Variants in NUDT5 observed in about 807,000 individuals in gnomAD.
NUDT5 encodes ADP-sugar pyrophosphatase.
Under a neutral mutation model 34.1 loss-of-function variants are expected in NUDT5, and 21 were observed. That is an observed-to-expected ratio of 0.62 (90% CI 0.44 to 0.89). The LOEUF (loss-of-function observed/expected upper bound fraction) is 0.89, where lower values mean the gene tolerates loss of function less well. NUDT5 is among the 40% of genes least tolerant of loss of function. The pLI is 0.00. For missense variants in NUDT5, 249 were observed against 274.8 expected (o/e 0.91, Z 0.66); for synonymous variants, 85 against 97.6 (o/e 0.87, Z 0.76).
intron 1 of NUDT5, among the ~76,000 whole-genome samples, chr10:12,190,282 C>T (rs1564427894): frequency 2.0e-5 from 3 of 152,186 alleles, no homozygotes. Context: ...TCAGTTTGAA[C>T]ACTGAAGGTC....
At chr10:12,179,058 G>C (rs1835002870) in intron 4 of NUDT5, 25 bp downstream of exon 4, 3 of 1,602,306 alleles carry the variant, frequency 1.9e-6, no homozygotes, top group East Asian at 4.5e-5. Flanking sequence ...CTTTCTAAAG[G>C]GTTGGAATAG....
At position 12,170,466 on chromosome 10, in the gene NUDT5, C is replaced by A; in HGVS notation, c.550+251G>T. On this transcript the variant is annotated intron_variant, in intron 9 of 9. Transcript: ENST00000491614. This position sits in a 1 kb window ranked among gnomAD's most constrained non-coding sequence, Gnocchi z 4.9. Reference sequence around the variant, plus strand: ...CTACTCAGCAGGAATGTCATCTGGGCCATTCTGTAGGAGAAAAAGCCTCTA... The same window carrying A: ...CTACTCAGCAGGAATGTCATCTGGGACATTCTGTAGGAGAAAAAGCCTCTA... 1 of 617,514 alleles carries A rather than the reference C, an allele frequency of 1.6e-6. No homozygotes were observed. Among genetic ancestry groups the A allele is most frequent in the South Asian group, 2.0e-5 (1 of 49,302 alleles). The allele number at this position is 617,514 out of a possible 1,614,324, so 38.3% of individuals were successfully genotyped here.
At chr10:12,192,132 A>AG (rs879601268) in intron 1 of NUDT5, among the ~76,000 whole-genome samples, 6 of 152,178 alleles carry the variant, frequency 3.9e-5, no homozygotes, top group Non-Finnish European at 8.8e-5. Flanking sequence ...AAAGAGGGTC[A>AG]GGCACTTGGA....
intron 5 of NUDT5, among the ~76,000 whole-genome samples, 199 bp from the exon 6 acceptor site, chr10:12,174,012 G>A (rs566127527): frequency 3.3e-5 from 5 of 151,710 alleles, no homozygotes; most frequent in Admixed American, 1.3e-4. Context: ...GATTACAGGC[G>A]CGTGCCACCA....
chr10:12,177,815 G>GC lies in NUDT5; in HGVS notation c.266dup (p.Tyr90LeufsTer12). On this transcript the variant is annotated frameshift_variant, in exon 5 of 10. Coordinates refer to ENST00000491614, the MANE Select transcript of NUDT5 (RefSeq NM_014142.4). LOFTEE classifies it high-confidence loss of function. Reference sequence around the variant, plus strand: ...CACCTGCAGGGAACTCTATGCAGTAGCCCCCCATTGGTGGTCGGAACTGTT... The same window carrying GC: ...CACCTGCAGGGAACTCTATGCAGTAGCCCCCCCATTGGTGGTCGGAACTGTT... 1 of 1,613,696 alleles carries GC rather than the reference G, an allele frequency of 6.2e-7. No individual in the cohort carries two copies. The highest frequency in any genetic ancestry group is 8.5e-7 in the Non-Finnish European group (1 of 1,179,578).
intron 1 of NUDT5, among the ~76,000 whole-genome samples, chr10:12,193,386 C>G (rs1835269008): frequency 6.6e-6 from 1 of 152,082 alleles, no homozygotes; most frequent in South Asian, 2.1e-4. Flanking sequence ...GCTATGGATT[C>G]AGAGAAAGAA....
rs1377140111 is a variant in NUDT5, at chr10:12,169,038, C to T, written c.551-1227G>A. Among the ~76,000 whole-genome samples the T allele has an allele frequency of 6.6e-6, 1 of 152,208 alleles. No homozygotes were observed. Among genetic ancestry groups the T allele is most frequent in the South Asian group, 2.1e-4 (1 of 4,834 alleles). ...TCGGCCTCCCAAAGTGCTGGGATTACAGGCGTGAGCCACCGCACCCGGCCA... is the reference window on the plus strand; with the variant it reads ...TCGGCCTCCCAAAGTGCTGGGATTATAGGCGTGAGCCACCGCACCCGGCCA... On this transcript the variant is annotated intron_variant, in intron 9 of 9. Transcript: ENST00000491614. This position sits in a 1 kb window ranked among gnomAD's most constrained non-coding sequence, Gnocchi z 4.8.
chr10:12,190,390 A>C (rs1564427913), intron 1 of NUDT5, among the ~76,000 whole-genome samples: 1 of 152,114 alleles, frequency 6.6e-6, no homozygotes, highest in Non-Finnish European at 1.5e-5. Context: ...GTGGCAGGCT[A>C]ACTAGCAGTC....
rs534075557 is a variant in NUDT5 at position 12,178,015 on chromosome 10, A to T, written c.182-115T>A. The stretch of plus-strand genomic sequence containing the variant: ...ACTTTAAGAAACTCCGTTTTAATCT[A>T]CAATACTGGCAGTTAATATTGGAAG... On this transcript the variant is annotated intron_variant, in intron 4 of 9. Transcript: ENST00000491614. The T allele has an allele frequency of 1.2e-4, 76 of 645,950 alleles. 2 individuals are homozygous for T. In the South Asian group the frequency reaches 1.4e-3, roughly 12 times the overall value. 40.0% of individuals were successfully genotyped at this position (645,950 alleles called of 1,614,324 possible).
rs1474626074 is a variant in NUDT5, at chr10:12,170,066, CACAGTATCTCCTCATGTCTCCAT to C, written c.550+628_550+650del. The C allele has an allele frequency of 6.9e-6, 11 of 1,585,188 alleles. No individual in the cohort carries two copies. Among genetic ancestry groups the C allele is most frequent in the Admixed American group, 3.3e-5 (2 of 59,950 alleles). ...TCCATACAGTATCTCCTCGTCTCCA[CACAGTATCTCCTCATGTCTCCAT>C]ACAGTATCTCCTCTCGTGGTTTTAT... On this transcript the variant is annotated intron_variant, in intron 9 of 9. Coordinates refer to ENST00000491614, the MANE Select transcript of NUDT5 (RefSeq NM_014142.4). This position sits in a 1 kb window ranked among gnomAD's most constrained non-coding sequence, Gnocchi z 4.9.
Position 12,166,868 on chromosome 10 carries a change from C to CTG in NUDT5, c.*832_*833dup, listed in dbSNP as rs1182193119. 2.5e-6 allele frequency: 1 copy of CTG among 408,076 alleles called. No homozygotes were observed. The highest frequency in any genetic ancestry group is 5.0e-6 in the Non-Finnish European group (1 of 198,584). 25.3% of individuals were successfully genotyped at this position (408,076 alleles called of 1,614,324 possible). A position where few individuals can be genotyped will look rare whatever the true frequency, so the allele number is the denominator to read the frequency against. On this transcript the variant is annotated 3_prime_UTR_variant, in exon 10 of 10. Coordinates refer to ENST00000491614, the MANE Select transcript of NUDT5 (RefSeq NM_014142.4). ...GAACCAGATCAATCTGTACTTCTTG[C>CTG]TGTGAACTACTCTGTATTGGGTTTC... is the stretch of plus-strand genomic sequence containing the variant.
intron 3 of NUDT5, chr10:12,184,459 T>C (rs1024815487): frequency 2.6e-6 from 4 of 1,540,040 alleles, no homozygotes; most frequent in Admixed American, 2.0e-5. Context: ...AAATGTTTTT[T>C]TCCCAATTTG....
intron 1 of NUDT5, among the ~76,000 whole-genome samples, chr10:12,192,175 G>A (rs1456116022): frequency 6.6e-6 from 1 of 152,052 alleles, no homozygotes; most frequent in East Asian, 1.9e-4. Flanking sequence ...AAATCAACAA[G>A]GCACTTTGAA....
chr10:12,190,419 C>T (rs1835203974), intron 1 of NUDT5, among the ~76,000 whole-genome samples: 1 of 152,066 alleles, frequency 6.6e-6, no homozygotes, highest in Non-Finnish European at 1.5e-5. Context: ...GCTTCGAGAG[C>T]ACCAGCAGTG....
At chr10:12,188,470 C>T (rs989527851) in intron 1 of NUDT5, among the ~76,000 whole-genome samples, 28 of 152,184 alleles carry the variant, frequency 1.8e-4, no homozygotes, top group African/African-American at 3.9e-4. Flanking sequence ...TCACGCCTCA[C>T]GCCTACAATC....
rs555729305 is a variant in NUDT5 at position 12,180,639 on chromosome 10, A to C, written c.132-1507T>G. 2.0e-5 allele frequency: 3 copies of C among 152,252 alleles called. No individual in the cohort carries two copies. The South Asian group carries it at 6.2e-4, about 31-fold the overall frequency. The allele number at this position is 152,252 out of a possible 1,614,324, so 9.4% of individuals were successfully genotyped here. On this transcript the variant is annotated intron_variant, in intron 3 of 9. Transcript: ENST00000491614. ...AGATTGCCCAGTGAGAGCTCCAACA[A>C]CTTCAAAGGGCCTGTGAGATGCACA...
chr10:12,192,944 GT>G (rs58890547), intron 1 of NUDT5, among the ~76,000 whole-genome samples: 7,899 of 151,346 alleles, frequency 0.052, 537 homozygotes, highest in African/African-American at 0.16. Context: ...TCACTTATGG[GT>G]TTTTTTTTCA....
chr10:12,170,454 A>T lies in NUDT5; in HGVS notation c.550+263T>A, dbSNP rs933208955. 34 of 616,058 alleles carry T rather than the reference A, an allele frequency of 5.5e-5. No individual in the cohort carries two copies. The highest frequency in any genetic ancestry group is 8.6e-5 in the Non-Finnish European group (30 of 350,044). 38.2% of individuals were successfully genotyped at this position (616,058 alleles called of 1,614,324 possible). A position where few individuals can be genotyped will look rare whatever the true frequency, so the allele number is the denominator to read the frequency against. Reference sequence around the variant, plus strand: ...GAATCGTTTTGGCTACTCAGCAGGAATGTCATCTGGGCCATTCTGTAGGAG... The same window carrying T: ...GAATCGTTTTGGCTACTCAGCAGGATTGTCATCTGGGCCATTCTGTAGGAG... On this transcript the variant is annotated intron_variant, in intron 9 of 9. Coordinates refer to ENST00000491614, the MANE Select transcript of NUDT5 (RefSeq NM_014142.4). This position sits in a 1 kb window ranked among gnomAD's most constrained non-coding sequence, Gnocchi z 4.9.
rs986493602 is a variant in NUDT5, at chr10:12,166,265, A to ATGAT, written c.*1433_*1436dup. On this transcript the variant is annotated 3_prime_UTR_variant, in exon 10 of 10. Coordinates refer to ENST00000491614, the MANE Select transcript of NUDT5 (RefSeq NM_014142.4). ...ACGGATGCCTTCTCTCTTGATTTCA[A>ATGAT]TGATTGATAGCATGTGGCTTTCAGA... The ATGAT allele has an allele frequency of 3.9e-5, 6 of 153,358 alleles. No homozygotes were observed. The highest frequency in any genetic ancestry group is 9.6e-5 in the African/African-American group (4 of 41,460). 9.5% of individuals were successfully genotyped at this position (153,358 alleles called of 1,614,324 possible). A position where few individuals can be genotyped will look rare whatever the true frequency, so the allele number is the denominator to read the frequency against.
Sources: allele counts gnomAD v4.1 joint callset (sites outside exome capture counted in the v4.1 genomes callset), GRCh38; gene constraint gnomAD v4.1.1; non-coding constraint Gnocchi (gnomAD v3.1); transcripts MANE v1.5; gene names NCBI Gene and HGNC (gene_info 2026-07-23, HGNC 2026-07-21).